The following TMED3 variants were observed in gnomAD, a reference collection of about 807,000 sequenced individuals.
TMED3 encodes transmembrane p24 trafficking protein 3, also known as transmembrane emp24 domain-containing protein 3.
In TMED3, 9 loss-of-function variants were observed where a neutral mutation model predicts 15.0. The observed-to-expected ratio is 0.60, with a 90% CI of 0.36 to 1.04. TMED3 has a LOEUF of 1.04. TMED3 is among the 50% of genes least tolerant of loss of function. TMED3 has a pLI of 0.01. For synonymous variants in TMED3, 117 were observed against 121.4 expected, an observed-to-expected ratio of 0.96 and a Z score of 0.24; for missense variants, 267 against 278.9, an observed-to-expected ratio of 0.96 and a Z score of 0.30.
intron 2 of TMED3, among the ~76,000 whole-genome samples, chr15:79,318,553 G>T (rs187200707): frequency 2.4e-4 from 36 of 152,318 alleles, no homozygotes; most frequent in African/African-American, 8.4e-4. Flanking sequence ...ATACAGAACG[G>T]ATTTGTGTTA....
At position 79,322,550 on chromosome 15, in the gene TMED3, C is replaced by T; in HGVS notation, c.*336C>T. On this transcript the variant is annotated 3_prime_UTR_variant, in exon 3 of 3. Coordinates refer to ENST00000299705, the MANE Select transcript of TMED3 (RefSeq NM_007364.4). The stretch of plus-strand genomic sequence containing the variant: ...CCAAGTGCCCAGGCCTCTTGGGCAG[C>T]TTAGGGCCCTGCCTCTGTTTCATGA... 1.8e-6 allele frequency: 2 copies of T among 1,120,768 alleles called. No homozygotes were observed. Among genetic ancestry groups the T allele is most frequent in the South Asian group, 6.4e-5 (2 of 31,472 alleles). The allele number at this position is 1,120,768 out of a possible 1,614,324, so 69.4% of individuals were successfully genotyped here. A position where few individuals can be genotyped will look rare whatever the true frequency, so the allele number is the denominator to read the frequency against.
At chr15:79,371,784 G>A (rs1398532283) in intron 2 of TMED3, among the ~76,000 whole-genome samples, 1 of 152,184 alleles carries the variant, frequency 6.6e-6, no homozygotes, top group Non-Finnish European at 1.5e-5. Context: ...TTATCTATAG[G>A]AGTAGTTGGG....
At chr15:79,338,902 G>A (rs542358037) in intron 2 of TMED3, among the ~76,000 whole-genome samples, 55 of 152,200 alleles carry the variant, frequency 3.6e-4, no homozygotes, top group Non-Finnish European at 7.2e-4. Flanking sequence ...TAAGCAGACC[G>A]GGAAAGGGAG....
intron 2 of TMED3, among the ~76,000 whole-genome samples, chr15:79,387,792 C>T (rs946179411): frequency 7.0e-4 from 106 of 152,182 alleles, no homozygotes; most frequent in African/African-American, 2.5e-3. Flanking sequence ...TATTTCTGTT[C>T]ATGTGAGTTT....
At chr15:79,376,074 C>A (rs1159873513) in intron 2 of TMED3, among the ~76,000 whole-genome samples, 1 of 145,454 alleles carries the variant, frequency 6.9e-6, no homozygotes, top group Non-Finnish European at 1.5e-5. Flanking sequence ...AAACTTACTT[C>A]ATCTATTCTA....
chr15:79,323,145 G>A (rs866208409), downstream of TMED3, among the ~76,000 whole-genome samples: 2 of 152,132 alleles, frequency 1.3e-5, no homozygotes, highest in Non-Finnish European at 2.9e-5. Flanking sequence ...TGACCCAAAG[G>A]CACATTATCA....
chr15:79,339,897 GTGATTAGGATGGTGA>G, intron 2 of TMED3, among the ~76,000 whole-genome samples: 1 of 144,582 alleles, frequency 6.9e-6, no homozygotes, highest in Non-Finnish European at 1.5e-5. Context: ...GGTGATGGTG[GTGATTAGGATGGTGA>G]TGGTGGTGGA....
intron 2 of TMED3, among the ~76,000 whole-genome samples, chr15:79,352,062 CG>C (rs201179538): frequency 4.2e-5 from 6 of 144,190 alleles, no homozygotes; most frequent in Non-Finnish European, 6.0e-5. Flanking sequence ...TTTGGGGACT[CG>C]GGGGGAAAGA....
chr15:79,387,933 A>G (rs1044831127), intron 2 of TMED3, among the ~76,000 whole-genome samples: 3 of 152,060 alleles, frequency 2.0e-5, no homozygotes, highest in African/African-American at 7.2e-5. Context: ...TTTTCTGACA[A>G]TTTTGCTAAT....
intron 2 of TMED3, among the ~76,000 whole-genome samples, chr15:79,319,945 C>T (rs1210572670): frequency 6.6e-6 from 1 of 152,226 alleles, no homozygotes; most frequent in Non-Finnish European, 1.5e-5. Flanking sequence ...CACTGAAGCA[C>T]AGCATCACAG....
intron 2 of TMED3, among the ~76,000 whole-genome samples, chr15:79,410,624 A>G (rs181043794): frequency 5.9e-4 from 90 of 152,282 alleles, no homozygotes; most frequent in African/African-American, 1.9e-3. Flanking sequence ...AAGATTTCCC[A>G]TAGGTGTTTA....
chr15:79,370,073 A>C (rs1893307862), intron 2 of TMED3, among the ~76,000 whole-genome samples: 1 of 152,108 alleles, frequency 6.6e-6, no homozygotes. Flanking sequence ...TGTCTGGTGA[A>C]GAAGAGGTAA....
chr15:79,363,203 G>A (rs1330104854), intron 2 of TMED3, among the ~76,000 whole-genome samples: 2 of 152,172 alleles, frequency 1.3e-5, no homozygotes, highest in East Asian at 1.9e-4. Flanking sequence ...AATTCCAGGT[G>A]GATTTGAATG....
intron 2 of TMED3, among the ~76,000 whole-genome samples, chr15:79,374,997 C>G (rs952057335): frequency 2.6e-5 from 4 of 152,168 alleles, no homozygotes; most frequent in Non-Finnish European, 4.4e-5. Flanking sequence ...CACAACAAAG[C>G]CATCCTTAAA....
intron 2 of TMED3, among the ~76,000 whole-genome samples, chr15:79,328,790 G>A (rs12437904): frequency 0.18 from 27,410 of 152,162 alleles, 2,459 homozygotes; most frequent in Admixed American, 0.24. Context: ...TGTGGAGAGG[G>A]GTGGGAGGAC....
chr15:79,393,442 A>G (rs1245339883), intron 2 of TMED3, among the ~76,000 whole-genome samples: 28 of 152,246 alleles, frequency 1.8e-4, no homozygotes, highest in Admixed American at 1.8e-3. Context: ...AAGACATTGT[A>G]GACACATGAG....
intron 2 of TMED3, among the ~76,000 whole-genome samples, chr15:79,388,517 T>A (rs1424594443): frequency 6.6e-6 from 1 of 152,146 alleles, no homozygotes; most frequent in African/African-American, 2.4e-5. Context: ...GCATTTGGGT[T>A]GGTTTCATGA....
intron 2 of TMED3, among the ~76,000 whole-genome samples, chr15:79,380,600 T>TATAGAG (rs1179065508): frequency 4.8e-5 from 7 of 146,572 alleles, no homozygotes; most frequent in African/African-American, 1.8e-4. Flanking sequence ...TATATATATA[T>TATAGAG]AGAGAGAGAG....
Position 79,311,198 on chromosome 15 carries a change from GC to G in TMED3, c.-50del. ...CGGTCGGTAGTCGTCGCCCCAGCCC[GC>G]CGGGGGCGCAGCGCCCGAGCCGCGG... is the stretch of plus-strand genomic sequence containing the variant. On this transcript the variant is annotated 5_prime_UTR_variant, in exon 1 of 3. Transcript: ENST00000299705. 1 of 1,536,078 alleles carries G rather than the reference GC, an allele frequency of 6.5e-7. No homozygotes were observed. Among genetic ancestry groups the G allele is most frequent in the South Asian group, 1.2e-5 (1 of 81,890 alleles).
Sources: allele counts gnomAD v4.1 joint callset (sites outside exome capture counted in the v4.1 genomes callset), GRCh38; gene constraint gnomAD v4.1.1; transcripts MANE v1.5; gene names NCBI Gene and HGNC (gene_info 2026-07-23, HGNC 2026-07-21).